KCNMA1: variants seen among roughly 807,000 people sequenced by gnomAD.
The protein encoded by KCNMA1 is Calcium-activated potassium channel subunit alpha-1.
A neutral mutation model predicts 140.0 loss-of-function variants in KCNMA1; 29 were observed. The ratio of observed to expected loss-of-function variants is 0.21; its 90% CI spans 0.15 to 0.28. The LOEUF is 0.28. Among genes scored for constraint, KCNMA1 ranks in the 10% least tolerant of loss-of-function variants. The pLI is 1.00. For synonymous variants in KCNMA1, 612 were observed against 611.9 expected (o/e 1.00, Z 0.00); for missense variants, 880 against 1,602.2 (o/e 0.55, Z 7.70).
intron 14 of KCNMA1, among the ~76,000 whole-genome samples, chr10:77,040,423 T>C (rs2094601814): frequency 6.6e-6 from 1 of 152,050 alleles, no homozygotes; most frequent in Middle Eastern, 3.2e-3. Context: ...TAACCGTAAA[T>C]GGCACACATA....
intron 23 of KCNMA1, among the ~76,000 whole-genome samples, chr10:76,940,748 G>C (rs1234727947): frequency 1.3e-5 from 2 of 151,896 alleles, no homozygotes; most frequent in Non-Finnish European, 2.9e-5. Context: ...ATCACCTGAG[G>C]CCAGGAGTTT....
chr10:76,943,632 AC>A (rs1434465330), intron 23 of KCNMA1, among the ~76,000 whole-genome samples: 1 of 151,348 alleles, frequency 6.6e-6, no homozygotes, highest in Non-Finnish European at 1.5e-5. Context: ...TCCAAATCTC[AC>A]CCCAGTGCCC....
chr10:77,257,858 T>G (rs1235327287), intron 2 of KCNMA1, among the ~76,000 whole-genome samples: 1 of 152,232 alleles, frequency 6.6e-6, no homozygotes, highest in Admixed American at 6.5e-5. Context: ...GCCATGATTG[T>G]TAGGCCTCCC....
At position 77,007,463 on chromosome 10, in the gene KCNMA1, T is replaced by C. The variant is rs1404472197; in HGVS notation, c.2092+4504A>G. Among the ~76,000 whole-genome samples, 7 of 152,038 alleles carry C rather than the reference T, an allele frequency of 4.6e-5. No individual in the cohort carries two copies. The East Asian group carries it at 1.4e-3, about 29-fold the overall frequency. On this transcript the variant is annotated intron_variant, in intron 18 of 27. Transcript: ENST00000286628. The stretch of plus-strand genomic sequence containing the variant: ...AAATACTTGTCTCCAGTAAGACAAT[T>C]GAGATACTTACAGTCCCAAAGTTGA...
chr10:77,637,355 C>A lies in KCNMA1; in HGVS notation c.288G>T (p.Val96=), dbSNP rs1256365697. 36 of 1,613,862 alleles carry A rather than the reference C, an allele frequency of 2.2e-5. No individual in the cohort carries two copies. Among genetic ancestry groups the A allele is most frequent in the Non-Finnish European group, 3.1e-5 (36 of 1,179,968 alleles). Residue 96 remains valine, a synonymous_variant, in exon 1 of 28, where the codon GTG becomes GTT. Transcript: ENST00000286628. The part of the protein sequence containing the change: ...MWWAFLASSM[V]TFFGGLFIIL... ...TGATGAAGAGGCCCCCGAAGAAAGT[C>A]ACCATGGAGGAGGCCAGGAAAGCCC...
chr10:77,590,631 C>A (rs1369035949), intron 1 of KCNMA1, among the ~76,000 whole-genome samples: 1 of 152,262 alleles, frequency 6.6e-6, no homozygotes, highest in Non-Finnish European at 1.5e-5. Context: ...CAGAAAGGGG[C>A]TCCCACAGTG....
intron 2 of KCNMA1, among the ~76,000 whole-genome samples, chr10:77,284,387 T>C (rs1356256): frequency 0.37 from 56,076 of 151,900 alleles, 11,795 homozygotes; most frequent in African/African-American, 0.56. Context: ...AAAAAAAATT[T>C]AATGGGCTAG....
At chr10:77,347,932 T>C (rs1445910933) in intron 2 of KCNMA1, among the ~76,000 whole-genome samples, 4 of 152,176 alleles carry the variant, frequency 2.6e-5, no homozygotes, top group Non-Finnish European at 5.9e-5. Context: ...CTTTTACAGA[T>C]GAGGAAACTG....
In KCNMA1 at chr10:77,296,915, G is replaced by GC. The variant is rs1185357593; in HGVS notation, c.541-45660_541-45659insG. On this transcript the variant is annotated intron_variant, in intron 2 of 27. Coordinates refer to ENST00000286628, the MANE Select transcript of KCNMA1 (RefSeq NM_001161352.2). ...GAGGAATGCCTGGGTGTGTGGGCGG[G>GC]GGGGCGGTGGGGGAATGTAGAGAAG... 2.7e-5 allele frequency among the ~76,000 whole-genome samples: 4 copies of GC among 150,054 alleles called. No homozygotes were observed. In the East Asian group the frequency reaches 5.9e-4, roughly 22 times the overall value.
intron 2 of KCNMA1, among the ~76,000 whole-genome samples, chr10:77,371,694 T>A (rs953951834): frequency 2.0e-5 from 3 of 152,130 alleles, no homozygotes; most frequent in African/African-American, 7.2e-5. Context: ...CTCTGAGTTT[T>A]CCACCCCTGT....
intron 2 of KCNMA1, among the ~76,000 whole-genome samples, chr10:77,298,486 C>T (rs1257598714): frequency 6.6e-6 from 1 of 152,184 alleles, no homozygotes; most frequent in Non-Finnish European, 1.5e-5. Context: ...AGGTGATCCA[C>T]CCAACTTGGC....
At chr10:77,589,777 A>G (rs1266264050) in intron 1 of KCNMA1, among the ~76,000 whole-genome samples, 1 of 152,130 alleles carries the variant, frequency 6.6e-6, no homozygotes, top group Non-Finnish European at 1.5e-5. Flanking sequence ...CAGCTCATAA[A>G]GGCAGCGTGG....
At chr10:77,273,936 C>G (rs895648435) in intron 2 of KCNMA1, among the ~76,000 whole-genome samples, 3 of 152,098 alleles carry the variant, frequency 2.0e-5, no homozygotes, top group Non-Finnish European at 4.4e-5. Context: ...AAGCAGGCAC[C>G]CTTTTATGTT....
At chr10:77,636,394 C>T in intron 1 of KCNMA1, 4 of 1,535,894 alleles carry the variant, frequency 2.6e-6, no homozygotes, top group Non-Finnish European at 3.5e-6. Context: ...TAGCTAAAGC[C>T]GACGACATCT....
intron 1 of KCNMA1, among the ~76,000 whole-genome samples, chr10:77,439,977 G>A (rs2097361311): frequency 6.6e-6 from 1 of 152,196 alleles, no homozygotes; most frequent in Admixed American, 6.5e-5. Flanking sequence ...GCACAGTAAA[G>A]ACCCTGCAAG....
At chr10:76,957,127 C>CAAAAAAAAAAAAAAAAAAAAAAAAA (rs569115924) in intron 20 of KCNMA1, among the ~76,000 whole-genome samples, 1 of 71,372 alleles carries the variant, frequency 1.4e-5, no homozygotes, top group African/African-American at 6.2e-5. Flanking sequence ...GACTCTGTCT[C>CAAAAAAAAAAAAAAAAAAAAAAAAA]AAAAAAAAAA....
At chr10:77,092,575 A>G (rs756833076) in intron 9 of KCNMA1, among the ~76,000 whole-genome samples, 1 of 152,238 alleles carries the variant, frequency 6.6e-6, no homozygotes, top group Non-Finnish European at 1.5e-5. Context: ...ATGTGAAAGT[A>G]AGCCAGATGT....
chr10:77,373,819 G>A lies in KCNMA1; in HGVS notation c.540+30043C>T, dbSNP rs192060534. 4 of 152,318 alleles carry A rather than the reference G, an allele frequency of 2.6e-5. No homozygotes were observed. The East Asian group carries it at 5.8e-4, about 22-fold the overall frequency. 9.4% of individuals were successfully genotyped at this position (152,318 alleles called of 1,614,324 possible). A position where few individuals can be genotyped will look rare whatever the true frequency, so the allele number is the denominator to read the frequency against. ...TGATTGCTTCCAGTTGGTGGGCCCA[G>A]GAAGACTGTGAAAAAGGTACCACTT... On this transcript the variant is annotated intron_variant, in intron 2 of 27. Transcript: ENST00000286628.
intron 1 of KCNMA1, among the ~76,000 whole-genome samples, chr10:77,441,338 G>C (rs951100476): frequency 5.3e-5 from 8 of 152,106 alleles, no homozygotes; most frequent in Non-Finnish European, 8.8e-5. Flanking sequence ...AGGGGTGCAG[G>C]GAGAAAATTA....
Sources: gnomAD v4.1 joint callset for allele counts (sites outside exome capture counted in the v4.1 genomes callset) on GRCh38, gnomAD v4.1.1 for gene constraint, MANE v1.5 for transcripts, NCBI Gene and HGNC (gene_info 2026-07-23, HGNC 2026-07-21) for gene names.